Variants in XYLT2 observed in about 807,000 individuals in gnomAD.
XYLT2 encodes the protein xylosyltransferase 2, also known as UDP-D-xylose:proteoglycan core protein beta-D-xylosyltransferase.
A neutral mutation model predicts 82.6 loss-of-function variants in XYLT2; 37 were observed. The ratio of observed to expected loss-of-function variants is 0.45; its 90% CI spans 0.34 to 0.59. The LOEUF (loss-of-function observed/expected upper bound fraction) is 0.59. Among genes scored for constraint, XYLT2 ranks in the 20% least tolerant of loss-of-function variants. The pLI is 0.01. For synonymous variants in XYLT2, 474 were observed against 499.0 expected (o/e 0.95, Z 0.67); for missense variants, 934 against 1,181.3 (o/e 0.79, Z 3.07).
Position 50,353,004 on chromosome 17 carries a change from A to G in XYLT2, c.136-626A>G, listed in dbSNP as rs1912334855. 3.3e-5 allele frequency among the ~76,000 whole-genome samples: 5 copies of G among 152,162 alleles called. No homozygotes were observed. The South Asian group carries it at 1.0e-3, about 32-fold the overall frequency. On this transcript the variant is annotated intron_variant, in intron 1 of 10. Coordinates refer to ENST00000017003, the MANE Select transcript of XYLT2 (RefSeq NM_022167.4). ...GCCTTTCCCTGCCAGCTCCTGCCCC[A>G]TCGTTCACAGGGGTACCCGCAGTGA...
Position 50,358,522 on chromosome 17 carries a change from A to C in XYLT2, c.2257A>C (p.Lys753Gln). ...TGTGCTGCCCTTGACCTTCAACCGC[A>C]AACTACCTCTCAGGAAAGGTAAGCG... is the stretch of plus-strand genomic sequence containing the variant. ...FLVLPLTFNR[K>Q]LPLRKDDASW... The change falls in exon 10 of 11, where the codon AAA (lysine) becomes CAA (glutamine). Residue 753 changes from lysine (K) to glutamine (Q), a missense_variant. Physicochemically the swap from Lys to Gln is moderately conservative, Grantham distance 53. Transcript: ENST00000017003. The C allele has an allele frequency of 6.2e-7, 1 of 1,612,322 alleles. No homozygotes were observed. Among genetic ancestry groups the C allele is most frequent in the South Asian group, 1.1e-5 (1 of 91,056 alleles).
Position 50,361,121 on chromosome 17 carries a change from GC to G in XYLT2, c.*831del, listed in dbSNP as rs1484477351. On this transcript the variant is annotated 3_prime_UTR_variant, in exon 11 of 11. Transcript: ENST00000017003. The stretch of plus-strand genomic sequence containing the variant: ...AAGCTCAGCGTGAAGTCTGAAATAT[GC>G]AACAGAAGAAATATATCTCTATCTC... 1.0e-6 allele frequency: 1 copy of G among 985,798 alleles called. No homozygotes were observed. Among genetic ancestry groups the G allele is most frequent in the East Asian group, 1.1e-4 (1 of 8,838 alleles). 61.1% of individuals were successfully genotyped at this position (985,798 alleles called of 1,614,324 possible). A position where few individuals can be genotyped will look rare whatever the true frequency, so the allele number is the denominator to read the frequency against.
intron 1 of XYLT2, among the ~76,000 whole-genome samples, chr17:50,349,166 CT>C (rs879560121): frequency 2.0e-5 from 3 of 152,242 alleles, no homozygotes; most frequent in Non-Finnish European, 4.4e-5. Context: ...TCCTGACCAG[CT>C]TCCTAACTCA....
At chr17:50,348,531 A>G (rs920100089) in intron 1 of XYLT2, among the ~76,000 whole-genome samples, 2 of 152,192 alleles carry the variant, frequency 1.3e-5, no homozygotes, top group African/African-American at 4.8e-5. Context: ...TGCATTTAAG[A>G]CGTGCACTCT....
chr17:50,346,134 C>CA lies in XYLT2; in HGVS notation c.-6dup. The CA allele has an allele frequency of 8.1e-7, 1 of 1,235,580 alleles. No homozygotes were observed. Among genetic ancestry groups the CA allele is most frequent in the Non-Finnish European group, 1.0e-6 (1 of 964,866 alleles). 76.5% of individuals were successfully genotyped at this position (1,235,580 alleles called of 1,614,324 possible). On this transcript the variant is annotated 5_prime_UTR_variant, in exon 1 of 11. Transcript: ENST00000017003. The surrounding 1 kb of genome is among the most constrained non-coding windows in gnomAD (Gnocchi z 5.1). ...CTGGGCGCGCGCCCCGCGTCCCGGG[C>CA]AGGAAGATGGTGGCGAGCGCGCGAG...
intron 9 of XYLT2, chr17:50,357,824 C>T (rs1912614443): frequency 5.1e-6 from 1 of 196,182 alleles, no homozygotes; most frequent in Admixed American, 5.4e-5. Context: ...TTGTGATCCA[C>T]CCGCCTCGGC....
chr17:50,353,710 C>G lies in XYLT2; in HGVS notation c.216C>G (p.Gly72=). The G allele has an allele frequency of 6.4e-7, 1 of 1,560,984 alleles. No homozygotes were observed. Among genetic ancestry groups the G allele is most frequent in the Non-Finnish European group, 8.7e-7 (1 of 1,151,950 alleles). ...KDTDSSAGRR[G]STGRRHGRWR... ...CAGACAGTTCAGCAGGGCGACGGGG[C>G]AGCACAGGCAGAAGGCATGGGCGCT... Residue 72 remains glycine (G), a synonymous_variant, in exon 2 of 11, where the codon GGC becomes GGG. Transcript: ENST00000017003.
Position 50,355,498 on chromosome 17 carries a change from C to G in XYLT2, c.1008-3C>G. 13 of 1,614,088 alleles carry G rather than the reference C, an allele frequency of 8.1e-6. No homozygotes were observed. The highest frequency in any genetic ancestry group is 1.1e-5 in the Non-Finnish European group (13 of 1,179,986). ...GCTGCCTGTCACCCCATTCCTTCAC[C>G]AGGACCAATGAGGAGCTGGTGGCAT... On this transcript the variant is annotated splice_polypyrimidine_tract_variant and splice_region_variant and intron_variant, in intron 4 of 10. Coordinates refer to ENST00000017003, the MANE Select transcript of XYLT2 (RefSeq NM_022167.4).
intron 1 of XYLT2, among the ~76,000 whole-genome samples, chr17:50,352,701 G>A (rs141270902): frequency 6.6e-6 from 1 of 152,342 alleles, no homozygotes; most frequent in African/African-American, 2.4e-5. Context: ...AAGCAGGGGC[G>A]CAGCAGCGGT....
At chr17:50,359,848 C>A in intron 10 of XYLT2, 121 bp from the exon 11 acceptor site, 1 of 875,178 alleles carries the variant, frequency 1.1e-6, no homozygotes, top group Non-Finnish European at 1.7e-6. Flanking sequence ...GGTCATTCAG[C>A]AAGCTGTGAC....
At chr17:50,349,967 G>A (rs1912188351) in intron 1 of XYLT2, among the ~76,000 whole-genome samples, 1 of 151,880 alleles carries the variant, frequency 6.6e-6, no homozygotes, top group African/African-American at 2.4e-5. Context: ...CAGATCACTT[G>A]AGGTCAGGAA....
In XYLT2 at chr17:50,354,412, G is replaced by C. The variant is rs1027227054; in HGVS notation, c.633G>C (p.Lys211Asn). ...ACGCCTGTCCTCTGCTCTCAGGGAAGATGAGCCCCGGCATCCAGTGGGATG... is the reference window on the plus strand; with the variant it reads ...ACGCCTGTCCTCTGCTCTCAGGGAACATGAGCCCCGGCATCCAGTGGGATG... ...AVPRHCQLTG[K>N]MSPGIQWDES... Residue 211 changes from lysine to asparagine, a missense_variant, in exon 3 of 11, where the codon AAG becomes AAC. Lys to Asn is a moderately conservative substitution (Grantham distance 94, BLOSUM62 0). Coordinates refer to ENST00000017003, the MANE Select transcript of XYLT2 (RefSeq NM_022167.4). The C allele has an allele frequency of 6.2e-7, 1 of 1,607,036 alleles. No homozygotes were observed.
chr17:50,355,188 C>A lies in XYLT2; in HGVS notation c.1007+132C>A, dbSNP rs1227499799. 1.3e-5 allele frequency: 13 copies of A among 998,194 alleles called. No individual in the cohort carries two copies. In the Admixed American group the frequency reaches 2.9e-4, roughly 22 times the overall value. 61.8% of individuals were successfully genotyped at this position (998,194 alleles called of 1,614,324 possible). A position where few individuals can be genotyped will look rare whatever the true frequency, so the allele number is the denominator to read the frequency against. ...GGGATCCGCCCTGCTCAGACATGGG[C>A]CCCTGGGCCCCAGCTATGTTTTAGG... On this transcript the variant is annotated intron_variant, in intron 4 of 10. Transcript: ENST00000017003.
chr17:50,351,020 T>C (rs1207767897), intron 1 of XYLT2, among the ~76,000 whole-genome samples: 2 of 151,882 alleles, frequency 1.3e-5, no homozygotes, highest in African/African-American at 4.8e-5. Context: ...GAGGCCTGGG[T>C]GGAGAAGGGG....
chr17:50,360,587 T>G lies in XYLT2; in HGVS notation c.*296T>G. ...CTTTTTTTTCTTTTTTTTTTTTTTT[T>G]TTTAATTTAAAAAGGAAAATGGGTG... is the stretch of plus-strand genomic sequence containing the variant. On this transcript the variant is annotated 3_prime_UTR_variant, in exon 11 of 11. Coordinates refer to ENST00000017003, the MANE Select transcript of XYLT2 (RefSeq NM_022167.4). 1 of 1,167,906 alleles carries G rather than the reference T, an allele frequency of 8.6e-7. No homozygotes were observed. The allele number at this position is 1,167,906 out of a possible 1,614,324, so 72.3% of individuals were successfully genotyped here. A position where few individuals can be genotyped will look rare whatever the true frequency, so the allele number is the denominator to read the frequency against.
chr17:50,356,392 T>C, intron 7 of XYLT2, 119 bp from the exon 8 acceptor site: 1 of 1,547,966 alleles, frequency 6.5e-7, no homozygotes, highest in Non-Finnish European at 8.7e-7. Flanking sequence ...GGTCTGGGGC[T>C]ACAACAGCAG....
Position 50,346,389 on chromosome 17 carries a change from C to T in XYLT2, c.135+114C>T. The T allele has an allele frequency of 1.0e-6, 1 of 973,206 alleles. No individual in the cohort carries two copies. The highest frequency in any genetic ancestry group is 1.1e-4 in the East Asian group (1 of 8,780). 60.3% of individuals were successfully genotyped at this position (973,206 alleles called of 1,614,324 possible). On this transcript the variant is annotated intron_variant, in intron 1 of 10. Coordinates refer to ENST00000017003, the MANE Select transcript of XYLT2 (RefSeq NM_022167.4). This position sits in a 1 kb window ranked among gnomAD's most constrained non-coding sequence, Gnocchi z 5.1. ...GGGGCACGGGCCGCGTGCGTGCGTG[C>T]GGGGCGCCGGCGGTCGCCCAGAGCG...
Position 50,346,244 on chromosome 17 carries a change from TC to T in XYLT2, c.105del (p.Phe35LeufsTer65). 8.1e-7 allele frequency: 1 copy of T among 1,233,124 alleles called. No homozygotes were observed. The highest frequency in any genetic ancestry group is 1.7e-5 in the South Asian group (1 of 57,558). 76.4% of individuals were successfully genotyped at this position (1,233,124 alleles called of 1,614,324 possible). ...LLLQGLVVWSFSGLEEDEAGE... is the reference protein window; with the variant it reads ...LLLQGLVVWSXSGLEEDEAGE... ...CTGCAGGGCCTGGTAGTGTGGAGCT[TC>T]AGCGGCCTGGAGGAGGACGAGGCGG... On this transcript the variant is annotated frameshift_variant, in exon 1 of 11. Coordinates refer to ENST00000017003, the MANE Select transcript of XYLT2 (RefSeq NM_022167.4). LOFTEE classifies it high-confidence loss of function. This position sits in a 1 kb window ranked among gnomAD's most constrained non-coding sequence, Gnocchi z 5.1.
In XYLT2 at chr17:50,360,453, C is replaced by T; in HGVS notation, c.*162C>T. Reference sequence around the variant, plus strand: ...GCAGGGAAGGTGGACACAGTATGAACTACTGCTGATGTCTCTGTTGGGGAT... The same window carrying T: ...GCAGGGAAGGTGGACACAGTATGAATTACTGCTGATGTCTCTGTTGGGGAT... On this transcript the variant is annotated 3_prime_UTR_variant, in exon 11 of 11. Coordinates refer to ENST00000017003, the MANE Select transcript of XYLT2 (RefSeq NM_022167.4). 1 of 1,409,980 alleles carries T rather than the reference C, an allele frequency of 7.1e-7. No individual in the cohort carries two copies. The highest frequency in any genetic ancestry group is 9.2e-7 in the Non-Finnish European group (1 of 1,086,086). The allele number at this position is 1,409,980 out of a possible 1,614,324, so 87.3% of individuals were successfully genotyped here. A position where few individuals can be genotyped will look rare whatever the true frequency, so the allele number is the denominator to read the frequency against.
Sources: allele counts gnomAD v4.1 joint callset (sites outside exome capture counted in the v4.1 genomes callset), GRCh38; gene constraint gnomAD v4.1.1; non-coding constraint Gnocchi (gnomAD v3.1); transcripts MANE v1.5; gene names NCBI Gene and HGNC (gene_info 2026-07-23, HGNC 2026-07-21).